Variants in PRKAG2 observed in about 807,000 individuals in gnomAD.
The protein encoded by PRKAG2 is protein kinase AMP-activated non-catalytic subunit gamma 2, also known as 5'-AMP-activated protein kinase subunit gamma-2.
Under a neutral mutation model 69.6 loss-of-function variants are expected in PRKAG2, and 26 were observed. The observed-to-expected ratio is 0.37, with a 90% CI of 0.27 to 0.52. The LOEUF is 0.52. PRKAG2 is among the 20% of genes least tolerant of loss of function. The pLI, the probability that PRKAG2 is intolerant of heterozygous loss-of-function variation, is 0.90. For missense variants in PRKAG2, 557 were observed against 740.0 expected, an observed-to-expected ratio of 0.75 and a Z score of 2.87; for synonymous variants, 293 against 285.0, an observed-to-expected ratio of 1.03 and a Z score of -0.28.
intron 3 of PRKAG2, among the ~76,000 whole-genome samples, chr7:151,726,539 C>T (rs1334533595): frequency 6.6e-6 from 1 of 152,108 alleles, no homozygotes; most frequent in Admixed American, 6.5e-5. Flanking sequence ...GTCACAGCCC[C>T]GACTGGAAAC....
intron 6 of PRKAG2, among the ~76,000 whole-genome samples, chr7:151,578,213 C>T (rs866966538): frequency 7.8e-4 from 119 of 152,042 alleles, no homozygotes; most frequent in African/African-American, 2.2e-3. Context: ...GGCATGGTGG[C>T]GCACACCTGT....
chr7:151,831,940 G>A (rs1436969262), intron 1 of PRKAG2, among the ~76,000 whole-genome samples: 2 of 152,070 alleles, frequency 1.3e-5, no homozygotes, highest in Admixed American at 6.5e-5. Context: ...ATCTCAGAGC[G>A]GGGTGGCTGC....
intron 1 of PRKAG2, among the ~76,000 whole-genome samples, chr7:151,803,865 G>A (rs1273004703): frequency 6.7e-6 from 1 of 149,452 alleles, no homozygotes; most frequent in South Asian, 2.1e-4. Context: ...TTGAACCTGG[G>A]AGGCAGAGGT....
At chr7:151,849,290 G>A (rs568334281) in intron 1 of PRKAG2, among the ~76,000 whole-genome samples, 14 of 152,346 alleles carry the variant, frequency 9.2e-5, no homozygotes, top group South Asian at 2.1e-4. Flanking sequence ...CACACGGGGC[G>A]GTCTGGCCAT....
intron 1 of PRKAG2, among the ~76,000 whole-genome samples, chr7:151,833,908 G>A (rs1022658346): frequency 6.6e-6 from 1 of 152,234 alleles, no homozygotes. Flanking sequence ...CTGGGAGCCT[G>A]AGGCCACAGC....
chr7:151,834,256 T>G (rs1475006749), intron 1 of PRKAG2, among the ~76,000 whole-genome samples: 1 of 152,178 alleles, frequency 6.6e-6, no homozygotes, highest in Non-Finnish European at 1.5e-5. Context: ...TGACTCCCAC[T>G]TCTAAGGGAA....
chr7:151,613,494 G>A (rs113715347), intron 5 of PRKAG2, among the ~76,000 whole-genome samples: 16,041 of 152,042 alleles, frequency 0.11, 1,008 homozygotes, highest in Non-Finnish European at 0.14. Flanking sequence ...CGAGCATTTT[G>A]GTTTTTATTT....
chr7:151,857,271 G>GCCAGCTC (rs1357436088), intron 1 of PRKAG2, among the ~76,000 whole-genome samples: 3 of 151,958 alleles, frequency 2.0e-5, no homozygotes, highest in Non-Finnish European at 2.9e-5. Flanking sequence ...TTCTGCTCCT[G>GCCAGCTC]CCAGCTCCCA....
At chr7:151,810,889 C>A (rs1328608629) in intron 1 of PRKAG2, 3 of 153,724 alleles carry the variant, frequency 2.0e-5, no homozygotes, top group African/African-American at 7.2e-5. Flanking sequence ...GAGAGGTGCA[C>A]GGGGCACCGA....
In PRKAG2 at chr7:151,836,985, T is replaced by G. The variant is rs1283921959; in HGVS notation, c.114+39522A>C. ...GACTGCCAATGTTTATTTGAGGCTA[T>G]TTGTTTAAATTCAACTTGAACCCCG... On this transcript the variant is annotated intron_variant, in intron 1 of 15. Transcript: ENST00000287878. This position sits in a 1 kb window ranked among gnomAD's most constrained non-coding sequence, Gnocchi z 4.1. Among the ~76,000 whole-genome samples the G allele has an allele frequency of 6.6e-6, 1 of 151,364 alleles. No homozygotes were observed. Among genetic ancestry groups the G allele is most frequent in the Non-Finnish European group, 1.5e-5 (1 of 67,946 alleles).
intron 1 of PRKAG2, among the ~76,000 whole-genome samples, chr7:151,868,262 A>G (rs1276578288): frequency 6.6e-6 from 1 of 152,240 alleles, no homozygotes; most frequent in Non-Finnish European, 1.5e-5. Context: ...CCAATTAACC[A>G]TTCCAAGGCA....
chr7:151,611,031 A>G (rs561672577), intron 5 of PRKAG2, among the ~76,000 whole-genome samples: 1 of 152,296 alleles, frequency 6.6e-6, no homozygotes, highest in Non-Finnish European at 1.5e-5. Context: ...CTGGGATTAC[A>G]GGCGTGAGCC....
At position 151,781,719 on chromosome 7, in the gene PRKAG2, G is replaced by A. The variant is rs1405806255; in HGVS notation, c.187-288C>T. On this transcript the variant is annotated intron_variant, in intron 2 of 15. Coordinates refer to ENST00000287878, the MANE Select transcript of PRKAG2 (RefSeq NM_016203.4). This position sits in a 1 kb window ranked among gnomAD's most constrained non-coding sequence, Gnocchi z 6.1. ...TTCCAGGAGGTAGAGGGGAGGAAGG[G>A]AAGCGGAGCTCAAAATGAGCGTCTC... 2.0e-5 allele frequency among the ~76,000 whole-genome samples: 3 copies of A among 152,184 alleles called. No homozygotes were observed. Among genetic ancestry groups the A allele is most frequent in the Non-Finnish European group, 4.4e-5 (3 of 68,024 alleles).
chr7:151,669,319 G>A (rs1017297380), intron 4 of PRKAG2, among the ~76,000 whole-genome samples: 7 of 152,174 alleles, frequency 4.6e-5, no homozygotes, highest in African/African-American at 1.7e-4. Flanking sequence ...CATGGCTTCT[G>A]CTGTCGACCC....
chr7:151,765,294 AG>A (rs1043042077), intron 3 of PRKAG2, among the ~76,000 whole-genome samples: 3 of 152,208 alleles, frequency 2.0e-5, no homozygotes, highest in Non-Finnish European at 4.4e-5. Flanking sequence ...GGAAGGAAAG[AG>A]TGAAGGGGAA....
intron 3 of PRKAG2, among the ~76,000 whole-genome samples, chr7:151,746,621 C>T (rs2074296740): frequency 1.3e-5 from 2 of 152,254 alleles, no homozygotes; most frequent in Non-Finnish European, 2.9e-5. Context: ...TCCACTAGCT[C>T]AGGCACAAGG....
At chr7:151,820,430 C>T (rs1177330820) in intron 1 of PRKAG2, among the ~76,000 whole-genome samples, 2 of 130,670 alleles carry the variant, frequency 1.5e-5, no homozygotes, top group South Asian at 4.8e-4. Flanking sequence ...ACACTCTACT[C>T]GGAACACCGC....
At chr7:151,833,319 G>A (rs757819331) in intron 1 of PRKAG2, among the ~76,000 whole-genome samples, 14 of 152,152 alleles carry the variant, frequency 9.2e-5, no homozygotes, top group South Asian at 6.2e-4. Context: ...GGCAGGGCTC[G>A]GGAGTGTGCA....
intron 3 of PRKAG2, among the ~76,000 whole-genome samples, chr7:151,725,051 G>T (rs1015124818): frequency 6.6e-6 from 1 of 152,074 alleles, no homozygotes; most frequent in Non-Finnish European, 1.5e-5. Context: ...GCCCCTTCAC[G>T]GGCCAACAGG....
Sources: allele counts gnomAD v4.1 joint callset (sites outside exome capture counted in the v4.1 genomes callset), GRCh38; gene constraint gnomAD v4.1.1; non-coding constraint Gnocchi (gnomAD v3.1); transcripts MANE v1.5; gene names NCBI Gene and HGNC (gene_info 2026-07-23, HGNC 2026-07-21).